Variants in AFG1L observed in about 807,000 individuals in gnomAD.
AFG1L encodes the protein AFG1 like ATPase.
AFG1L carries 53 observed loss-of-function variants against 62.2 expected under a neutral mutation model. That is an observed-to-expected ratio of 0.85 (90% confidence interval 0.68 to 1.07). The LOEUF is 1.07. AFG1L is among the 50% of genes least tolerant of loss of function. The probability of loss-of-function intolerance (pLI) is 0.00; values close to 1 mark genes in which losing one functional copy is unlikely to be tolerated. For missense variants in AFG1L, 555 were observed against 590.5 expected, an observed-to-expected ratio of 0.94 and a Z score of 0.62; for synonymous variants, 228 against 210.3, an observed-to-expected ratio of 1.08 and a Z score of -0.73.
intron 7 of AFG1L, among the ~76,000 whole-genome samples, chr6:108,404,701 A>G (rs1187429204): frequency 2.0e-5 from 3 of 151,890 alleles, no homozygotes; most frequent in South Asian, 4.2e-4. Flanking sequence ...TATAAGTTGC[A>G]TACAGATTTA....
intron 6 of AFG1L, among the ~76,000 whole-genome samples, chr6:108,398,277 T>G (rs1031477583): frequency 1.6e-4 from 24 of 152,230 alleles, no homozygotes; most frequent in Non-Finnish European, 1.2e-4. Context: ...ATTCAAATCT[T>G]TTGCCCATCT....
intron 2 of AFG1L, among the ~76,000 whole-genome samples, chr6:108,335,402 G>C (rs758693833): frequency 5.9e-5 from 9 of 152,232 alleles, no homozygotes; most frequent in Non-Finnish European, 1.0e-4. Context: ...TCACTAAAGA[G>C]TCATAGAGCC....
At chr6:108,336,799 T>G (rs1472968181) in intron 2 of AFG1L, among the ~76,000 whole-genome samples, 1 of 152,234 alleles carries the variant, frequency 6.6e-6, no homozygotes, top group Non-Finnish European at 1.5e-5. Flanking sequence ...CCACATTTGT[T>G]TAATTTTCTC....
intron 10 of AFG1L, among the ~76,000 whole-genome samples, chr6:108,490,401 A>G (rs1185635700): frequency 6.6e-6 from 1 of 152,208 alleles, no homozygotes. Context: ...AATTTACTAG[A>G]TCAGTAATAT....
chr6:108,375,704 TGGTGTG>T (rs1285532477), intron 6 of AFG1L, among the ~76,000 whole-genome samples: 2 of 152,132 alleles, frequency 1.3e-5, no homozygotes, highest in Non-Finnish European at 2.9e-5. Flanking sequence ...TAACTTTTTT[TGGTGTG>T]TTGTTGAATT....
In AFG1L at chr6:108,340,466, C is replaced by T. The variant is rs1026337347; in HGVS notation, c.364-6522C>T. On this transcript the variant is annotated intron_variant, in intron 2 of 12. Transcript: ENST00000368977. ...GCAACCTCCATCTCCCAATTTCAAG[C>T]GATTCTCCTCCTCAGCCTCTCCCAA... Among the ~76,000 whole-genome samples, 7 of 151,468 alleles carry T rather than the reference C, an allele frequency of 4.6e-5. 1 individual carries two copies. Among genetic ancestry groups the T allele is most frequent in the South Asian group, 4.2e-4 (2 of 4,812 alleles).
At position 108,457,470 on chromosome 6, in the gene AFG1L, C is replaced by T. The variant is rs566605451; in HGVS notation, c.890+10174C>T. Reference sequence around the variant, plus strand: ...TAGTATACTTCCATTTTTACTATCCCGGGCTTTGTGCTTTTATTGTCTTTT... The same window carrying T: ...TAGTATACTTCCATTTTTACTATCCTGGGCTTTGTGCTTTTATTGTCTTTT... On this transcript the variant is annotated intron_variant, in intron 8 of 12. Transcript: ENST00000368977. Among the ~76,000 whole-genome samples the T allele has an allele frequency of 1.6e-4, 25 of 151,636 alleles. 1 individual carries two copies. In the South Asian group the frequency reaches 2.5e-3, roughly 15 times the overall value.
rs554895917 is a variant in AFG1L, at chr6:108,306,425, G to A, written c.139+11207G>A. On this transcript the variant is annotated intron_variant, in intron 1 of 12. Coordinates refer to ENST00000368977, the MANE Select transcript of AFG1L (RefSeq NM_145315.5). ...ATTCATCTTGAATCTTTCCTCAGGT[G>A]CGGTATAAAACACTAATACTGATTC... 1.4e-4 allele frequency among the ~76,000 whole-genome samples: 22 copies of A among 152,234 alleles called. No individual in the cohort carries two copies. In the East Asian group the frequency reaches 4.2e-3, roughly 29 times the overall value.
At chr6:108,442,110 T>G (rs2114738193) in intron 7 of AFG1L, among the ~76,000 whole-genome samples, 1 of 152,180 alleles carries the variant, frequency 6.6e-6, no homozygotes, top group East Asian at 1.9e-4. Context: ...AATTGACCAT[T>G]GCTTACCATA....
At chr6:108,489,234 G>A (rs546420740) in intron 10 of AFG1L, among the ~76,000 whole-genome samples, 3 of 152,304 alleles carry the variant, frequency 2.0e-5, no homozygotes, top group Admixed American at 6.5e-5. Context: ...CAGCTGGAAA[G>A]TATAAGGAGA....
intron 8 of AFG1L, among the ~76,000 whole-genome samples, chr6:108,449,917 C>T (rs1338529713): frequency 1.3e-5 from 2 of 152,202 alleles, no homozygotes; most frequent in Non-Finnish European, 2.9e-5. Flanking sequence ...CATGTCCCTA[C>T]AAAGGACATG....
intron 2 of AFG1L, among the ~76,000 whole-genome samples, chr6:108,335,933 A>G (rs1200796543): frequency 6.6e-6 from 1 of 152,218 alleles, no homozygotes; most frequent in East Asian, 1.9e-4. Context: ...TAGAGTTTTA[A>G]GCACACCCCC....
At chr6:108,518,953 G>T (rs967822594) in intron 11 of AFG1L, among the ~76,000 whole-genome samples, 12 of 152,218 alleles carry the variant, frequency 7.9e-5, no homozygotes, top group African/African-American at 2.4e-5. Flanking sequence ...GCACAGACCA[G>T]CTCCAAACAG....
At chr6:108,485,620 A>ATTTAAATATATATATATATATATATTT (rs1562189620) in intron 10 of AFG1L, among the ~76,000 whole-genome samples, 4 of 75,030 alleles carry the variant, frequency 5.3e-5, no homozygotes, top group African/African-American at 1.7e-4. Flanking sequence ...AGAAATACGA[A>ATTTAAATATATATATATATATATATTT]TTTAAATATA....
intron 11 of AFG1L, among the ~76,000 whole-genome samples, chr6:108,513,303 A>G (rs1038002246): frequency 2.0e-5 from 3 of 152,230 alleles, no homozygotes; most frequent in African/African-American, 7.2e-5. Context: ...CATGAGCTGA[A>G]GCAGGGCGAG....
Position 108,310,158 on chromosome 6 carries a change from C to T in AFG1L, c.140-13667C>T, listed in dbSNP as rs552718112. Among the ~76,000 whole-genome samples the T allele has an allele frequency of 1.8e-4, 28 of 152,284 alleles. 1 individual carries two copies. In the South Asian group the frequency reaches 5.8e-3, roughly 32 times the overall value. On this transcript the variant is annotated intron_variant, in intron 1 of 12. Coordinates refer to ENST00000368977, the MANE Select transcript of AFG1L (RefSeq NM_145315.5). ...TCTTTTATAAGGGTTGCAAACAAGC[C>T]TTCCCGGCTTTTGACCTGGGGGAGA...
chr6:108,349,929 A>G (rs1488587098), intron 3 of AFG1L, among the ~76,000 whole-genome samples: 1 of 146,392 alleles, frequency 6.8e-6, no homozygotes, highest in Non-Finnish European at 1.5e-5. Flanking sequence ...AAATAAATAA[A>G]TAAGTAAATT....
intron 1 of AFG1L, chr6:108,319,900 A>G (rs1777754224): frequency 1.3e-5 from 3 of 238,376 alleles, no homozygotes; most frequent in Admixed American, 8.6e-5. Context: ...TGTACTAAAT[A>G]TAATCCTCTG....
At chr6:108,495,658 T>C (rs1773947516) in intron 10 of AFG1L, among the ~76,000 whole-genome samples, 2 of 152,362 alleles carry the variant, frequency 1.3e-5, no homozygotes, top group African/African-American at 4.8e-5. Context: ...TCTTTATTTT[T>C]AAGTTTGTTA....
Sources: allele counts gnomAD v4.1 joint callset (sites outside exome capture counted in the v4.1 genomes callset), GRCh38; gene constraint gnomAD v4.1.1; transcripts MANE v1.5; gene names NCBI Gene and HGNC (gene_info 2026-07-23, HGNC 2026-07-21).